GSK3B: variants seen among roughly 807,000 people sequenced by gnomAD.
GSK3B encodes the protein glycogen synthase kinase-3 beta.
In GSK3B, 15 loss-of-function variants were observed where a neutral mutation model predicts 56.4. That is an observed-to-expected ratio of 0.27 (90% CI 0.18 to 0.41). The LOEUF (loss-of-function observed/expected upper bound fraction) is 0.41, where lower values mean the gene tolerates loss of function less well. Ranked by LOEUF, GSK3B falls within the 10% of genes least tolerant of loss-of-function variation. The probability of loss-of-function intolerance (pLI) is 1.00; values close to 1 mark genes in which losing one functional copy is unlikely to be tolerated. For missense variants in GSK3B, 300 were observed against 513.4 expected (o/e 0.58, Z 4.02); for synonymous variants, 181 against 188.9 (o/e 0.96, Z 0.34).
At chr3:119,899,746 GAT>G (rs1559828568) in intron 7 of GSK3B, among the ~76,000 whole-genome samples, 1 of 151,978 alleles carries the variant, frequency 6.6e-6, no homozygotes, top group Non-Finnish European at 1.5e-5. Flanking sequence ...ACTGTAAAAA[GAT>G]ATGATTTCTT....
At chr3:119,904,391 A>G (rs1283339481) in intron 7 of GSK3B, among the ~76,000 whole-genome samples, 1 of 152,182 alleles carries the variant, frequency 6.6e-6, no homozygotes, top group Admixed American at 6.5e-5. Context: ...AGTGTAAAAG[A>G]TTAGATAGGA....
intron 8 of GSK3B, chr3:119,866,726 C>T: frequency 1.3e-6 from 1 of 777,742 alleles, no homozygotes; most frequent in East Asian, 2.6e-5. Flanking sequence ...TATAAGAAAT[C>T]CATGGTGTGG....
At chr3:119,827,201 C>A (rs1375000937) in intron 10 of GSK3B, among the ~76,000 whole-genome samples, 2 of 152,150 alleles carry the variant, frequency 1.3e-5, no homozygotes, top group African/African-American at 4.8e-5. Context: ...GAACAGTGCA[C>A]AGCTGGGAAA....
intron 2 of GSK3B, among the ~76,000 whole-genome samples, chr3:119,992,639 T>G (rs1310376338): frequency 6.6e-6 from 1 of 150,634 alleles, no homozygotes; most frequent in Admixed American, 6.6e-5. Flanking sequence ...CTCTTACATA[T>G]CAGAAAAAAA....
intron 4 of GSK3B, among the ~76,000 whole-genome samples, chr3:119,922,232 A>G (rs866713347): frequency 9.0e-4 from 63 of 70,174 alleles, no homozygotes; most frequent in African/African-American, 2.6e-3. Flanking sequence ...GAAGGAGGGA[A>G]GGAAGGAAGG....
At chr3:119,999,497 A>G (rs2057655098) in intron 2 of GSK3B, among the ~76,000 whole-genome samples, 1 of 152,250 alleles carries the variant, frequency 6.6e-6, no homozygotes, top group South Asian at 2.1e-4. Flanking sequence ...AAAACTGCTC[A>G]TGTCAAAAAA....
At chr3:119,975,832 TG>T (rs2107519704) in intron 2 of GSK3B, among the ~76,000 whole-genome samples, 1 of 152,310 alleles carries the variant, frequency 6.6e-6, no homozygotes, top group South Asian at 2.1e-4. Flanking sequence ...CCAGTAATAT[TG>T]GAAACTCTAG....
intron 1 of GSK3B, among the ~76,000 whole-genome samples, chr3:120,014,060 G>A (rs1447228495): frequency 1.1e-4 from 17 of 150,812 alleles, no homozygotes; most frequent in South Asian, 8.4e-4. Context: ...GCTTGAACCC[G>A]GGAGGCGGAG....
intron 7 of GSK3B, among the ~76,000 whole-genome samples, chr3:119,883,092 T>C (rs1209465465): frequency 1.3e-5 from 2 of 152,184 alleles, no homozygotes; most frequent in East Asian, 3.9e-4. Context: ...CGAAGGCTAT[T>C]ACATGGGAAA....
chr3:120,033,026 A>G (rs2057991223), intron 1 of GSK3B, among the ~76,000 whole-genome samples: 1 of 152,214 alleles, frequency 6.6e-6, no homozygotes, highest in South Asian at 2.1e-4. Context: ...CTTCCATTCC[A>G]GCCCTAAGGA....
intron 9 of GSK3B, among the ~76,000 whole-genome samples, chr3:119,854,290 G>A (rs2055985599): frequency 6.6e-6 from 1 of 152,166 alleles, no homozygotes; most frequent in African/African-American, 2.4e-5. Flanking sequence ...TGGTGGATAA[G>A]CTTTTTGATG....
intron 7 of GSK3B, among the ~76,000 whole-genome samples, chr3:119,903,082 C>T (rs1298892577): frequency 1.3e-5 from 2 of 152,168 alleles, no homozygotes; most frequent in Admixed American, 1.3e-4. Flanking sequence ...TATTAACCTT[C>T]ATGCAATAAG....
intron 8 of GSK3B, among the ~76,000 whole-genome samples, chr3:119,871,287 A>G (rs893106308): frequency 2.0e-5 from 3 of 152,238 alleles, no homozygotes; most frequent in Non-Finnish European, 4.4e-5. Context: ...ACTATGAAGC[A>G]TATTGACAGT....
chr3:120,011,606 A>G (rs1340437800), intron 1 of GSK3B, among the ~76,000 whole-genome samples: 1 of 152,230 alleles, frequency 6.6e-6, no homozygotes, highest in Admixed American at 6.5e-5. Flanking sequence ...ACATCTAGAG[A>G]CAAGGTACTT....
At chr3:120,001,138 T>C (rs1453411139) in intron 2 of GSK3B, among the ~76,000 whole-genome samples, 2 of 106,710 alleles carry the variant, frequency 1.9e-5, no homozygotes, top group East Asian at 5.4e-4. Flanking sequence ...GTGGGAGGTA[T>C]TGGATCAAGG....
chr3:120,035,941 T>G (rs980574256), intron 1 of GSK3B, among the ~76,000 whole-genome samples: 1 of 152,212 alleles, frequency 6.6e-6, no homozygotes, highest in Admixed American at 6.5e-5. Flanking sequence ...TACTTCTTCC[T>G]TATCACTCTG....
chr3:119,865,894 C>G (rs1308747421), intron 8 of GSK3B, among the ~76,000 whole-genome samples: 1 of 152,004 alleles, frequency 6.6e-6, no homozygotes, highest in East Asian at 1.9e-4. Flanking sequence ...TCATAAAGTT[C>G]AAGAGTTAAA....
chr3:120,061,882 G>A (rs1349457145), intron 1 of GSK3B, among the ~76,000 whole-genome samples: 2 of 152,068 alleles, frequency 1.3e-5, no homozygotes, highest in African/African-American at 4.8e-5. Context: ...ACAGGCATGT[G>A]CTACCACGCG....
At chr3:119,919,441 A>G (rs911826535) in intron 4 of GSK3B, among the ~76,000 whole-genome samples, 2 of 151,790 alleles carry the variant, frequency 1.3e-5, no homozygotes, top group African/African-American at 2.4e-5. Flanking sequence ...ATCTTTTCAG[A>G]TAAAAGGGAT....
Sources: gnomAD v4.1 joint callset for allele counts (sites outside exome capture counted in the v4.1 genomes callset) on GRCh38, gnomAD v4.1.1 for gene constraint, MANE v1.5 for transcripts, NCBI Gene and HGNC (gene_info 2026-07-23, HGNC 2026-07-21) for gene names.